EDIL3: variants seen among roughly 807,000 people sequenced by gnomAD.
The protein encoded by EDIL3 is EGF-like repeat and discoidin I-like domain-containing protein 3.
EDIL3 carries 37 observed loss-of-function variants against 67.4 expected under a neutral mutation model. That is an observed-to-expected ratio of 0.55 (90% CI 0.42 to 0.72). The LOEUF is 0.72. Ranked by LOEUF, EDIL3 falls within the 30% of genes least tolerant of loss-of-function variation. The pLI is 0.00. For missense variants in EDIL3, 527 were observed against 586.3 expected (o/e 0.90, Z 1.04); for synonymous variants, 195 against 196.3 (o/e 0.99, Z 0.05).
intron 3 of EDIL3, among the ~76,000 whole-genome samples, chr5:84,221,239 T>A (rs1457987549): frequency 1.3e-5 from 2 of 152,116 alleles, no homozygotes; most frequent in Admixed American, 1.3e-4. Context: ...ATTTTATTAT[T>A]TTAATTGTTT....
intron 9 of EDIL3, among the ~76,000 whole-genome samples, chr5:84,029,629 G>A (rs949378268): frequency 5.3e-5 from 8 of 152,158 alleles, no homozygotes; most frequent in East Asian, 1.9e-4. Context: ...TAAGTTATAC[G>A]TTCACTTTGA....
chr5:83,977,962 A>G (rs1726157363), intron 9 of EDIL3, among the ~76,000 whole-genome samples: 1 of 151,864 alleles, frequency 6.6e-6, no homozygotes, highest in Admixed American at 6.6e-5. Flanking sequence ...TTCAAATCAG[A>G]TAGCAGGTAT....
chr5:84,113,015 AAAG>A (rs1167244108), intron 5 of EDIL3, among the ~76,000 whole-genome samples: 1 of 152,160 alleles, frequency 6.6e-6, no homozygotes, highest in Non-Finnish European at 1.5e-5. Context: ...TATGATGAGT[AAAG>A]AAGAGCACTT....
intron 3 of EDIL3, among the ~76,000 whole-genome samples, chr5:84,187,907 G>A (rs1405941881): frequency 6.6e-6 from 1 of 151,834 alleles, no homozygotes; most frequent in Non-Finnish European, 1.5e-5. Context: ...GCCATTTGAG[G>A]ATAAAAATCG....
At chr5:83,958,930 A>AGAC (rs985892234) in intron 10 of EDIL3, among the ~76,000 whole-genome samples, 58 of 151,440 alleles carry the variant, frequency 3.8e-4, no homozygotes, top group Middle Eastern at 6.8e-3. Flanking sequence ...AAAATGCTGT[A>AGAC]GACTAGTAAG....
chr5:84,008,855 C>T (rs1745470583), intron 9 of EDIL3, among the ~76,000 whole-genome samples: 1 of 152,118 alleles, frequency 6.6e-6, no homozygotes, highest in Admixed American at 6.5e-5. Context: ...CTCTGTCACC[C>T]AGGCTAGAAT....
intron 1 of EDIL3, among the ~76,000 whole-genome samples, chr5:84,379,781 G>C (rs2112223013): frequency 6.6e-6 from 1 of 152,066 alleles, no homozygotes; most frequent in Admixed American, 6.5e-5. Flanking sequence ...TTCTTCCTCA[G>C]GGAAGCAATG....
At chr5:84,106,879 A>G in intron 5 of EDIL3, 49 bp from the exon 6 acceptor site, 1 of 1,534,578 alleles carries the variant, frequency 6.5e-7, no homozygotes, top group Non-Finnish European at 8.8e-7. Flanking sequence ...AACAATGCAT[A>G]TACAACATGT....
intron 1 of EDIL3, among the ~76,000 whole-genome samples, chr5:84,270,324 G>A (rs910090295): frequency 2.6e-5 from 4 of 152,062 alleles, no homozygotes; most frequent in Admixed American, 6.6e-5. Flanking sequence ...TTAATGTAGC[G>A]AATACTAAAC....
At chr5:84,315,018 T>A (rs2112148084) in intron 1 of EDIL3, among the ~76,000 whole-genome samples, 1 of 152,304 alleles carries the variant, frequency 6.6e-6, no homozygotes, top group African/African-American at 2.4e-5. Flanking sequence ...CTTTTGCAAT[T>A]TTTTATTTTA....
At chr5:84,176,396 C>T in intron 4 of EDIL3, among the ~76,000 whole-genome samples, 1 of 84,688 alleles carries the variant, frequency 1.2e-5, no homozygotes, top group East Asian at 3.5e-4. Context: ...TGTTTCTTTC[C>T]AGGCTCAGTG....
At chr5:83,978,756 A>T (rs1388809757) in intron 9 of EDIL3, among the ~76,000 whole-genome samples, 2 of 152,040 alleles carry the variant, frequency 1.3e-5, no homozygotes, top group African/African-American at 4.8e-5. Flanking sequence ...TCAATAAAAG[A>T]TGCTACAGAA....
At chr5:84,281,394 AAC>A (rs1745699331) in intron 1 of EDIL3, among the ~76,000 whole-genome samples, 1 of 152,200 alleles carries the variant, frequency 6.6e-6, no homozygotes, top group South Asian at 2.1e-4. Context: ...TGCCTTTTGC[AAC>A]CCACATTCCC....
intron 1 of EDIL3, among the ~76,000 whole-genome samples, chr5:84,304,311 C>T (rs1202807251): frequency 6.6e-6 from 1 of 152,122 alleles, no homozygotes; most frequent in East Asian, 1.9e-4. Flanking sequence ...ACAGGAATGT[C>T]AAGCTTAGGG....
chr5:84,285,081 T>C (rs1043120690), intron 1 of EDIL3, among the ~76,000 whole-genome samples: 7 of 152,308 alleles, frequency 4.6e-5, no homozygotes, highest in South Asian at 2.1e-4. Context: ...AATAGCACTA[T>C]GATTATATTT....
intron 1 of EDIL3, among the ~76,000 whole-genome samples, chr5:84,314,509 A>G (rs1746470225): frequency 6.6e-6 from 1 of 152,234 alleles, no homozygotes; most frequent in Non-Finnish European, 1.5e-5. Flanking sequence ...TTTTATTAAT[A>G]TAGATGTACA....
chr5:83,986,693 C>T (rs1251195836), intron 9 of EDIL3, among the ~76,000 whole-genome samples: 6 of 151,968 alleles, frequency 3.9e-5, no homozygotes, highest in South Asian at 2.1e-4. Flanking sequence ...CCCCTGCAGG[C>T]GTAAGAACAA....
intron 3 of EDIL3, among the ~76,000 whole-genome samples, chr5:84,208,685 C>CAA (rs70975546): frequency 1.4e-3 from 86 of 59,386 alleles, no homozygotes; most frequent in South Asian, 2.8e-3. Flanking sequence ...GACTCCGTCT[C>CAA]AAAAAAAAAA....
intron 1 of EDIL3, among the ~76,000 whole-genome samples, chr5:84,346,716 T>C (rs374559406): frequency 6.6e-5 from 10 of 152,200 alleles, no homozygotes; most frequent in South Asian, 2.1e-4. Flanking sequence ...GAACCAGTAA[T>C]GCTAACTGCA....
Sources: allele counts gnomAD v4.1 joint callset (sites outside exome capture counted in the v4.1 genomes callset), GRCh38; gene constraint gnomAD v4.1.1; transcripts MANE v1.5; gene names NCBI Gene and HGNC (gene_info 2026-07-23, HGNC 2026-07-21).